The following KCNQ5 variants were observed in gnomAD, a reference collection of about 807,000 sequenced individuals.
KCNQ5 encodes potassium voltage-gated channel subfamily KQT member 5.
Under a neutral mutation model 98.2 loss-of-function variants are expected in KCNQ5, and 30 were observed. That is an observed-to-expected ratio of 0.31 (90% CI 0.23 to 0.41). The LOEUF is 0.41. Among genes scored for constraint, KCNQ5 ranks in the 10% least tolerant of loss-of-function variants. The pLI, the probability that KCNQ5 is intolerant of heterozygous loss-of-function variation, is 1.00. For synonymous variants in KCNQ5, 458 were observed against 449.4 expected (o/e 1.02, Z -0.24); for missense variants, 835 against 1,182.5 (o/e 0.71, Z 4.31).
chr6:73,192,370 G>A (rs939227830), intron 12 of KCNQ5, among the ~76,000 whole-genome samples, 195 bp from the exon 13 acceptor site: 1 of 152,192 alleles, frequency 6.6e-6, no homozygotes, highest in Admixed American at 6.5e-5. Context: ...TCTTGGACCA[G>A]AATAATGAGA....
intron 10 of KCNQ5, among the ~76,000 whole-genome samples, chr6:73,143,793 T>C (rs1776812746): frequency 6.6e-6 from 1 of 152,222 alleles, no homozygotes; most frequent in Admixed American, 6.5e-5. Context: ...AGTTACAGTA[T>C]TGATTGGCAC....
At chr6:72,732,528 A>T (rs1481461846) in intron 1 of KCNQ5, among the ~76,000 whole-genome samples, 1 of 152,160 alleles carries the variant, frequency 6.6e-6, no homozygotes, top group Non-Finnish European at 1.5e-5. Context: ...GGCTTTGCCC[A>T]CTCTTATGTC....
At chr6:72,666,065 G>A (rs1766795199) in intron 1 of KCNQ5, among the ~76,000 whole-genome samples, 2 of 152,136 alleles carry the variant, frequency 1.3e-5, no homozygotes, top group South Asian at 4.1e-4. Context: ...TTCAGCTGTG[G>A]GAGTAAAATA....
At chr6:72,963,267 G>GA (rs886540279) in intron 1 of KCNQ5, among the ~76,000 whole-genome samples, 1 of 152,042 alleles carries the variant, frequency 6.6e-6, no homozygotes, top group Non-Finnish European at 1.5e-5. Context: ...AATGGAGATG[G>GA]AAAAAAACCC....
intron 1 of KCNQ5, among the ~76,000 whole-genome samples, chr6:72,859,375 A>G (rs949024975): frequency 1.3e-5 from 2 of 152,102 alleles, no homozygotes; most frequent in Non-Finnish European, 1.5e-5. Context: ...TCATCTTCCA[A>G]TGTGCAGAAA....
intron 1 of KCNQ5, among the ~76,000 whole-genome samples, chr6:72,982,110 G>A (rs1004483748): frequency 6.6e-6 from 1 of 152,226 alleles, no homozygotes; most frequent in African/African-American, 2.4e-5. Context: ...GTGATGTGGT[G>A]CTGAGAAGAA....
chr6:73,071,321 A>G (rs1000043261), intron 3 of KCNQ5, among the ~76,000 whole-genome samples: 1 of 152,234 alleles, frequency 6.6e-6, no homozygotes, highest in South Asian at 2.1e-4. Context: ...AAATCAAAAT[A>G]TGCCAAGAAT....
At chr6:73,100,918 C>T (rs1372223553) in intron 5 of KCNQ5, among the ~76,000 whole-genome samples, 1 of 152,016 alleles carries the variant, frequency 6.6e-6, no homozygotes, top group Non-Finnish European at 1.5e-5. Flanking sequence ...ATACATACAA[C>T]CTACCAACAT....
chr6:73,045,409 A>C lies in KCNQ5; in HGVS notation c.616+3347A>C, dbSNP rs11966178. ...TATCTAGAACATAAAATTCTTCCTCATATCTATGTGTTCAATTTTTATCTC... is the reference window on the plus strand; with the variant it reads ...TATCTAGAACATAAAATTCTTCCTCCTATCTATGTGTTCAATTTTTATCTC... On this transcript the variant is annotated intron_variant, in intron 3 of 13. Coordinates refer to ENST00000370398, the MANE Select transcript of KCNQ5 (RefSeq NM_019842.4). 6.5e-3 allele frequency among the ~76,000 whole-genome samples: 987 copies of C among 152,144 alleles called. 14 individuals are homozygous for C. Among genetic ancestry groups the C allele is most frequent in the African/African-American group, 0.023 (947 of 41,506 alleles).
At chr6:72,831,252 T>G (rs899075209) in intron 1 of KCNQ5, among the ~76,000 whole-genome samples, 1 of 152,156 alleles carries the variant, frequency 6.6e-6, no homozygotes, top group Non-Finnish European at 1.5e-5. Flanking sequence ...GGATTATAAA[T>G]CATGCTGCTA....
chr6:72,947,410 C>T (rs902779482), intron 1 of KCNQ5, among the ~76,000 whole-genome samples: 1 of 152,024 alleles, frequency 6.6e-6, no homozygotes, highest in Non-Finnish European at 1.5e-5. Flanking sequence ...ATAAACATAA[C>T]GGAGATACAA....
chr6:72,965,233 T>A (rs1392307351), intron 1 of KCNQ5, among the ~76,000 whole-genome samples: 2 of 152,238 alleles, frequency 1.3e-5, no homozygotes, highest in African/African-American at 4.8e-5. Flanking sequence ...TTAGATAAGC[T>A]TCTTTCAGGC....
At chr6:73,187,261 G>A (rs947246859) in intron 11 of KCNQ5, among the ~76,000 whole-genome samples, 16 of 151,882 alleles carry the variant, frequency 1.1e-4, no homozygotes, top group South Asian at 1.0e-3. Flanking sequence ...GGGTTTCACC[G>A]TGTTAGCCAG....
intron 1 of KCNQ5, among the ~76,000 whole-genome samples, chr6:72,665,851 TTC>T (rs1766786245): frequency 6.6e-6 from 1 of 152,186 alleles, no homozygotes; most frequent in Non-Finnish European, 1.5e-5. Context: ...GGGTGGCTAT[TTC>T]TTAACCTCTT....
At chr6:73,106,869 G>C (rs773580933) in intron 6 of KCNQ5, among the ~76,000 whole-genome samples, 1 of 152,096 alleles carries the variant, frequency 6.6e-6, no homozygotes, top group Admixed American at 6.6e-5. Flanking sequence ...TAAGTCAAGT[G>C]CTTGTCATGA....
chr6:73,124,717 T>A (rs2150444445), intron 9 of KCNQ5: 1 of 585,948 alleles, frequency 1.7e-6, no homozygotes, highest in South Asian at 2.1e-5. Context: ...ACTCCCTGCT[T>A]TTTCAAAATC....
intron 1 of KCNQ5, among the ~76,000 whole-genome samples, chr6:72,755,061 G>T (rs879745916): frequency 4.0e-5 from 6 of 151,660 alleles, no homozygotes; most frequent in Non-Finnish European, 7.4e-5. Context: ...TATTATTAAA[G>T]AATTGACCTC....
chr6:72,826,889 C>T (rs1776024125), intron 1 of KCNQ5, among the ~76,000 whole-genome samples: 1 of 152,160 alleles, frequency 6.6e-6, no homozygotes, highest in Non-Finnish European at 1.5e-5. Flanking sequence ...CCCCTACCCT[C>T]CCAAGCCTCC....
In KCNQ5 at chr6:72,951,064, C is replaced by CA. The variant is rs370919724; in HGVS notation, c.399-52837dup. ...GTTCCTCCTGCCTTTTCCCAGATCC[C>CA]AAAAAAATCAATGTTAAATCAACTT... On this transcript the variant is annotated intron_variant, in intron 1 of 13. Transcript: ENST00000370398. 1.7e-4 allele frequency among the ~76,000 whole-genome samples: 26 copies of CA among 152,020 alleles called. 1 individual carries two copies. Among genetic ancestry groups the CA allele is most frequent in the African/African-American group, 6.3e-4 (26 of 41,464 alleles).
Sources: allele counts gnomAD v4.1 joint callset (sites outside exome capture counted in the v4.1 genomes callset), GRCh38; gene constraint gnomAD v4.1.1; transcripts MANE v1.5; gene names NCBI Gene and HGNC (gene_info 2026-07-23, HGNC 2026-07-21).